Variants in HSD3B7 observed in about 807,000 individuals in gnomAD.
HSD3B7 encodes 3 beta-hydroxysteroid dehydrogenase type 7.
A neutral mutation model predicts 34.3 loss-of-function variants in HSD3B7; 35 were observed. The observed-to-expected ratio is 1.02, with a 90% confidence interval of 0.78 to 1.35. The LOEUF is 1.35. Ranked by LOEUF, HSD3B7 falls within the 40% of genes most tolerant of loss-of-function variation. The probability of loss-of-function intolerance (pLI) is 0.00; values close to 1 mark genes in which losing one functional copy is unlikely to be tolerated. For missense variants in HSD3B7, 426 were observed against 504.7 expected, an observed-to-expected ratio of 0.84 and a Z score of 1.49; for synonymous variants, 217 against 220.1, an observed-to-expected ratio of 0.99 and a Z score of 0.13.
Position 30,988,619 on chromosome 16 carries a change from C to T in HSD3B7, c.*436C>T. Reference sequence around the variant, plus strand: ...ACGCTGGAACTACAAGTGTGAGCCACCGCGCCTGGCCCAAGCCCTCCACAT... The same window carrying T: ...ACGCTGGAACTACAAGTGTGAGCCATCGCGCCTGGCCCAAGCCCTCCACAT... On this transcript the variant is annotated 3_prime_UTR_variant, in exon 7 of 7. Coordinates refer to ENST00000297679, the MANE Select transcript of HSD3B7 (RefSeq NM_025193.4). 5.8e-6 allele frequency: 1 copy of T among 172,542 alleles called. No homozygotes were observed. Among genetic ancestry groups the T allele is most frequent in the Non-Finnish European group, 1.3e-5 (1 of 79,374 alleles). 10.7% of individuals were successfully genotyped at this position (172,542 alleles called of 1,614,324 possible). A position where few individuals can be genotyped will look rare whatever the true frequency, so the allele number is the denominator to read the frequency against.
At position 30,986,173 on chromosome 16, in the gene HSD3B7, T is replaced by TC. The variant is rs397514443; in HGVS notation, c.294dup (p.Lys99GlnfsTer5). Reference sequence around the variant, plus strand: ...TGGTAGACGTGTTTGGCAGGGCCAGTCCCAAGACCATCCATGAGGTCAACG... The same window carrying TC: ...TGGTAGACGTGTTTGGCAGGGCCAGTCCCCAAGACCATCCATGAGGTCAACG... On this transcript the variant is annotated frameshift_variant, in exon 3 of 7. Coordinates refer to ENST00000297679, the MANE Select transcript of HSD3B7 (RefSeq NM_025193.4). LOFTEE classifies it high-confidence loss of function. 8.7e-6 allele frequency: 14 copies of TC among 1,613,910 alleles called. No individual in the cohort carries two copies. Among genetic ancestry groups the TC allele is most frequent in the Admixed American group, 5.0e-5 (3 of 59,996 alleles).
intron 1 of HSD3B7, 89 bp downstream of exon 1, chr16:30,985,386 A>T (rs913762019): frequency 4.4e-6 from 6 of 1,358,554 alleles, no homozygotes; most frequent in Non-Finnish European, 5.7e-6. Context: ...ACCTCCCTCA[A>T]CTCCTGGCCT....
chr16:30,986,143 T>C lies in HSD3B7; in HGVS notation c.261T>C (p.Ala87=), dbSNP rs760505757. The change falls in exon 3 of 7, where the codon GCT becomes GCC. Residue 87 remains alanine, a synonymous_variant. Transcript: ENST00000297679. ...GAGCCCATGTGGTCATCCACACGGC[T>C]GGGCTGGTAGACGTGTTTGGCAGGG... ...VAGAHVVIHT[A]GLVDVFGRAS... 6.2e-7 allele frequency: 1 copy of C among 1,614,024 alleles called. No individual in the cohort carries two copies. Among genetic ancestry groups the C allele is most frequent in the East Asian group, 2.2e-5 (1 of 44,886 alleles).
Position 30,987,070 on chromosome 16 carries a change from G to T in HSD3B7, c.694+68G>T. 8 of 1,520,270 alleles carry T rather than the reference G, an allele frequency of 5.3e-6. No homozygotes were observed. The South Asian group carries it at 9.6e-5, about 18-fold the overall frequency. 94.2% of individuals were successfully genotyped at this position (1,520,270 alleles called of 1,614,324 possible). On this transcript the variant is annotated intron_variant, in intron 6 of 6. Transcript: ENST00000297679. ...GAGGACTTGCTCTAGAAGGGGGCAG[G>T]ACCCACATGGCCCTGGGAGAGAAGT...
At chr16:30,985,897 C>T (rs778835329) in intron 2 of HSD3B7, 73 bp downstream of exon 2, 2 of 1,584,802 alleles carry the variant, frequency 1.3e-6, no homozygotes, top group East Asian at 4.5e-5. Context: ...GGGATCCCCA[C>T]CCCTGCAGTG....
Position 30,988,008 on chromosome 16 carries a change from T to C in HSD3B7, c.935T>C (p.Leu312Pro). Residue 312 changes from leucine to proline, a missense_variant, in exon 7 of 7, where the codon CTG (leucine) becomes CCG (proline). Physicochemically the swap from Leu to Pro is moderately conservative, Grantham distance 98 (BLOSUM62 -3). Transcript: ENST00000297679. The part of the protein sequence containing the change: ...NALLQWLLRP[L>P]VLYAPLLNPY... ...CTGCTGCAGTGGCTGCTGCGGCCAC[T>C]GGTGCTCTACGCACCCCTGCTGAAC... 1.2e-6 allele frequency: 2 copies of C among 1,609,088 alleles called. No homozygotes were observed. Among genetic ancestry groups the C allele is most frequent in the Non-Finnish European group, 1.7e-6 (2 of 1,179,980 alleles).
chr16:30,988,255 G>C lies in HSD3B7; in HGVS notation c.*72G>C. On this transcript the variant is annotated 3_prime_UTR_variant, in exon 7 of 7. Coordinates refer to ENST00000297679, the MANE Select transcript of HSD3B7 (RefSeq NM_025193.4). ...GTCCCGAGCCCTCACACCCTGGACG[G>C]GAAGGGACAGCTGCATTCCAGAGCA... 1 of 1,429,998 alleles carries C rather than the reference G, an allele frequency of 7.0e-7. No individual in the cohort carries two copies. Among genetic ancestry groups the C allele is most frequent in the Non-Finnish European group, 9.5e-7 (1 of 1,056,304 alleles). The allele number at this position is 1,429,998 out of a possible 1,614,324, so 88.6% of individuals were successfully genotyped here. A position where few individuals can be genotyped will look rare whatever the true frequency, so the allele number is the denominator to read the frequency against.
chr16:30,987,038 A>G, intron 6 of HSD3B7, 36 bp downstream of exon 6: 1 of 1,592,248 alleles, frequency 6.3e-7, no homozygotes, highest in Non-Finnish European at 8.6e-7. Flanking sequence ...GGCTGAGAAT[A>G]TGGCAGGAGG....
rs775633706 is a variant in HSD3B7 at position 30,986,439 on chromosome 16, C to T, written c.339C>T (p.Ile113=). Residue 113 remains isoleucine (I), a synonymous_variant, in exon 4 of 7, where the codon ATC becomes ATT. Transcript: ENST00000297679. ...CTCTGCCAGGTACCCGGAACGTGATCGAGGCTTGTGTGCAGACCGGAACAC... is the reference window on the plus strand; with the variant it reads ...CTCTGCCAGGTACCCGGAACGTGATTGAGGCTTGTGTGCAGACCGGAACAC... The part of the protein sequence containing the change: ...EVNVQGTRNV[I]EACVQTGTRF... 9.3e-6 allele frequency: 15 copies of T among 1,613,946 alleles called. No homozygotes were observed. The highest frequency in any genetic ancestry group is 7.7e-5 in the South Asian group (7 of 91,072).
rs915806796 is a variant in HSD3B7 at position 30,988,184 on chromosome 16, CGGTG to C, written c.*4_*7del. The C allele has an allele frequency of 3.1e-6, 5 of 1,592,312 alleles. No individual in the cohort carries two copies. The highest frequency in any genetic ancestry group is 4.3e-6 in the Non-Finnish European group (5 of 1,174,154). On this transcript the variant is annotated 3_prime_UTR_variant, in exon 7 of 7. Transcript: ENST00000297679. ...GGCCGCTACGGGTTCAGCCCAGTGA[CGGTG>C]GGGCTGGGGCCTGGAGGCCCAGATA... is the stretch of plus-strand genomic sequence containing the variant.
At chr16:30,987,634 C>A in intron 6 of HSD3B7, 134 bp from the exon 7 acceptor site, 1 of 1,023,294 alleles carries the variant, frequency 9.8e-7, no homozygotes, top group Non-Finnish European at 1.5e-6. Flanking sequence ...GAGAAGGCAG[C>A]CTTTCCCAGG....
chr16:30,988,243 A>G lies in HSD3B7; in HGVS notation c.*60A>G. On this transcript the variant is annotated 3_prime_UTR_variant, in exon 7 of 7. Coordinates refer to ENST00000297679, the MANE Select transcript of HSD3B7 (RefSeq NM_025193.4). The stretch of plus-strand genomic sequence containing the variant: ...ACATCCACCCAGGTCCCGAGCCCTC[A>G]CACCCTGGACGGGAAGGGACAGCTG... 6.7e-7 allele frequency: 1 copy of G among 1,489,678 alleles called. No individual in the cohort carries two copies. The highest frequency in any genetic ancestry group is 9.0e-7 in the Non-Finnish European group (1 of 1,106,050). 92.3% of individuals were successfully genotyped at this position (1,489,678 alleles called of 1,614,324 possible).
In HSD3B7 at chr16:30,988,308, C is replaced by A; in HGVS notation, c.*125C>A. ...AGGCAGGGCTCTGGGGCCAGAATGGCTGTCCTTGTCGTAGAGCCCTCCACA... is the reference window on the plus strand; with the variant it reads ...AGGCAGGGCTCTGGGGCCAGAATGGATGTCCTTGTCGTAGAGCCCTCCACA... On this transcript the variant is annotated 3_prime_UTR_variant, in exon 7 of 7. Transcript: ENST00000297679. 1.1e-6 allele frequency: 1 copy of A among 893,260 alleles called. No homozygotes were observed. Among genetic ancestry groups the A allele is most frequent in the Admixed American group, 2.8e-5 (1 of 36,218 alleles). 55.3% of individuals were successfully genotyped at this position (893,260 alleles called of 1,614,324 possible).
At chr16:30,985,600 T>C in intron 1 of HSD3B7, 53 bp from the exon 2 acceptor site, 1 of 1,554,812 alleles carries the variant, frequency 6.4e-7, no homozygotes, top group Admixed American at 1.9e-5. Context: ...CAGTAACAGG[T>C]GGTTGCAGCA....
chr16:30,985,359 C>T lies in HSD3B7; in HGVS notation c.-7+62C>T, dbSNP rs752220726. 1.1e-5 allele frequency: 15 copies of T among 1,305,432 alleles called. 2 individuals are homozygous for T. In the South Asian group the frequency reaches 1.7e-4, roughly 15 times the overall value. The allele number at this position is 1,305,432 out of a possible 1,614,324, so 80.9% of individuals were successfully genotyped here. On this transcript the variant is annotated intron_variant, in intron 1 of 6. Coordinates refer to ENST00000297679, the MANE Select transcript of HSD3B7 (RefSeq NM_025193.4). ...CCCTCCATCCGGCCCTTCCCACCTT[C>T]CTATAACCTTCCCTCCACCTCCCTC...
Position 30,987,042 on chromosome 16 carries a change from C to T in HSD3B7, c.694+40C>T. On this transcript the variant is annotated intron_variant, in intron 6 of 6. Transcript: ENST00000297679. ...AGGCAGGGGGAGGCTGAGAATATGGCAGGAGGACTTGCTCTAGAAGGGGGC... is the reference window on the plus strand; with the variant it reads ...AGGCAGGGGGAGGCTGAGAATATGGTAGGAGGACTTGCTCTAGAAGGGGGC... 1.9e-6 allele frequency: 3 copies of T among 1,587,644 alleles called. No homozygotes were observed. The South Asian group carries it at 3.4e-5, about 18-fold the overall frequency.
chr16:30,987,293 C>G (rs2056496620), intron 6 of HSD3B7: 1 of 483,308 alleles, frequency 2.1e-6, no homozygotes, highest in South Asian at 2.3e-5. Context: ...GTACACAGCA[C>G]TAAAAGGGCT....
intron 6 of HSD3B7, chr16:30,987,539 C>G: frequency 1.7e-6 from 1 of 603,714 alleles, no homozygotes; most frequent in Non-Finnish European, 3.0e-6. Flanking sequence ...GGGCCCACCA[C>G]GCAGGTCCTG....
Position 30,985,815 on chromosome 16 carries a change from C to T in HSD3B7, c.157C>T (p.Leu53=), listed in dbSNP as rs768284889. The change falls in exon 2 of 7, where the codon CTG becomes TTG. Residue 53 remains leucine (L), a synonymous_variant. Coordinates refer to ENST00000297679, the MANE Select transcript of HSD3B7 (RefSeq NM_025193.4). Reference sequence around the variant, plus strand: ...ACACCTGGGTCCCTGGCTGGAGGAGCTGAAGACAGGTTCTTGTTGGGGGAG... The same window carrying T: ...ACACCTGGGTCCCTGGCTGGAGGAGTTGAAGACAGGTTCTTGTTGGGGGAG... ...DQHLGPWLEE[L]KTGPVRVTAI... 1 of 1,600,556 alleles carries T rather than the reference C, an allele frequency of 6.2e-7. No individual in the cohort carries two copies. Among genetic ancestry groups the T allele is most frequent in the Admixed American group, 1.7e-5 (1 of 57,444 alleles).
Sources: allele counts gnomAD v4.1 joint callset, GRCh38; gene constraint gnomAD v4.1.1; transcripts MANE v1.5; gene names NCBI Gene and HGNC (gene_info 2026-07-23, HGNC 2026-07-21).